Variants in KCNH1 observed in about 807,000 individuals in gnomAD.
KCNH1 encodes potassium voltage-gated channel subfamily H member 1.
In KCNH1, 27 loss-of-function variants were observed where a neutral mutation model predicts 69.2. That is an observed-to-expected ratio of 0.39 (90% CI 0.29 to 0.54). The LOEUF (loss-of-function observed/expected upper bound fraction) is 0.54, where lower values mean the gene tolerates loss of function less well. KCNH1 is among the 20% of genes least tolerant of loss of function. The pLI is 0.68. For synonymous variants in KCNH1, 456 were observed against 487.7 expected, an observed-to-expected ratio of 0.93 and a Z score of 0.86; for missense variants, 798 against 1,261.6, an observed-to-expected ratio of 0.63 and a Z score of 5.57.
At chr1:210,748,520 T>C (rs548281675) in intron 10 of KCNH1, among the ~76,000 whole-genome samples, 2 of 152,266 alleles carry the variant, frequency 1.3e-5, no homozygotes, top group South Asian at 2.1e-4. Context: ...TGGGAAATGA[T>C]AATAAAAAGA....
chr1:210,965,771 T>C (rs958108375), intron 6 of KCNH1, among the ~76,000 whole-genome samples: 4 of 152,132 alleles, frequency 2.6e-5, no homozygotes, highest in Non-Finnish European at 5.9e-5. Context: ...TGCTCATGGA[T>C]AGGAAGAATC....
intron 9 of KCNH1, among the ~76,000 whole-genome samples, chr1:210,780,754 C>G (rs1276040604): frequency 6.6e-6 from 1 of 152,178 alleles, no homozygotes; most frequent in East Asian, 1.9e-4. Context: ...TTTAGCAAAA[C>G]TGAAAAGCCA....
chr1:210,824,872 G>T (rs1369286533), intron 7 of KCNH1, among the ~76,000 whole-genome samples: 1 of 152,066 alleles, frequency 6.6e-6, no homozygotes, highest in Non-Finnish European at 1.5e-5. Flanking sequence ...TCATGCATTG[G>T]TCATTTGGAA....
intron 6 of KCNH1, among the ~76,000 whole-genome samples, chr1:210,983,587 T>A (rs758951840): frequency 5.9e-5 from 9 of 152,220 alleles, no homozygotes; most frequent in African/African-American, 2.2e-4. Flanking sequence ...GTTGCAGACA[T>A]GCAGCATTAT....
At chr1:210,719,525 T>G (rs534508453) in intron 10 of KCNH1, among the ~76,000 whole-genome samples, 1 of 152,096 alleles carries the variant, frequency 6.6e-6, no homozygotes, top group South Asian at 2.1e-4. Context: ...GAGGGTAGCA[T>G]CACACACCAG....
intron 7 of KCNH1, among the ~76,000 whole-genome samples, chr1:210,855,280 T>C (rs1015804832): frequency 1.3e-5 from 2 of 152,186 alleles, no homozygotes; most frequent in Non-Finnish European, 2.9e-5. Context: ...TCTCACACAA[T>C]TTTCTAAGCA....
chr1:210,708,223 T>A (rs544873090), intron 10 of KCNH1, among the ~76,000 whole-genome samples: 1 of 140,356 alleles, frequency 7.1e-6, no homozygotes, highest in Non-Finnish European at 1.5e-5. Context: ...CTTCCCCCAC[T>A]CCCATTGTTG....
chr1:210,961,023 A>T lies in KCNH1; in HGVS notation c.1033-40954T>A, dbSNP rs556373361. ...TGAGCTTTTTTCTTATCTCTTGAAC[A>T]TATACAATGCAGTTATAATAGTTGT... On this transcript the variant is annotated intron_variant, in intron 6 of 10. Coordinates refer to ENST00000271751, the MANE Select transcript of KCNH1 (RefSeq NM_172362.3). 5.9e-5 allele frequency among the ~76,000 whole-genome samples: 9 copies of T among 152,302 alleles called. No individual in the cohort carries two copies. The South Asian group carries it at 1.9e-3, about 32-fold the overall frequency.
At chr1:210,893,950 A>G (rs1467717186) in intron 7 of KCNH1, among the ~76,000 whole-genome samples, 1 of 152,164 alleles carries the variant, frequency 6.6e-6, no homozygotes, top group Admixed American at 6.6e-5. Context: ...CTTGATTTGA[A>G]CAAAAAATTT....
intron 6 of KCNH1, among the ~76,000 whole-genome samples, chr1:210,928,237 TCAA>T (rs1687613654): frequency 6.6e-6 from 1 of 152,036 alleles, no homozygotes; most frequent in Non-Finnish European, 1.5e-5. Context: ...AATATTCTAC[TCAA>T]CAACTGCAGA....
rs1414816066 is a variant in KCNH1, at chr1:211,133,173, A to G, written c.79+694T>C. 1.3e-5 allele frequency: 2 copies of G among 152,278 alleles called. No individual in the cohort carries two copies. Among genetic ancestry groups the G allele is most frequent in the South Asian group, 4.1e-4 (2 of 4,830 alleles). 9.4% of individuals were successfully genotyped at this position (152,278 alleles called of 1,614,324 possible). ...GTTGTGGGTTTGGAAGAGGGGAAAT[A>G]TAACAGGTTTGTACCTGTGACCATT... On this transcript the variant is annotated intron_variant, in intron 1 of 10. Coordinates refer to ENST00000271751, the MANE Select transcript of KCNH1 (RefSeq NM_172362.3). This position sits in a 1 kb window ranked among gnomAD's most constrained non-coding sequence, Gnocchi z 5.4.
intron 5 of KCNH1, among the ~76,000 whole-genome samples, chr1:211,023,139 TAAA>T (rs1689618859): frequency 6.9e-6 from 1 of 145,326 alleles, no homozygotes; most frequent in Admixed American, 6.8e-5. Flanking sequence ...AATAAATAAA[TAAA>T]TAAATAAATA....
At chr1:211,127,496 C>G (rs796681545) in intron 1 of KCNH1, among the ~76,000 whole-genome samples, 6 of 151,658 alleles carry the variant, frequency 4.0e-5, no homozygotes, top group African/African-American at 1.5e-4. Context: ...CTGTACAAGT[C>G]TTTCGCATCA....
At chr1:210,892,940 T>C (rs967948369) in intron 7 of KCNH1, among the ~76,000 whole-genome samples, 2 of 152,170 alleles carry the variant, frequency 1.3e-5, no homozygotes, top group Non-Finnish European at 2.9e-5. Context: ...AATTATATTA[T>C]CATGATAAAT....
chr1:210,864,326 C>T (rs1371274006), intron 7 of KCNH1, among the ~76,000 whole-genome samples: 1 of 152,182 alleles, frequency 6.6e-6, no homozygotes, highest in Non-Finnish European at 1.5e-5. Flanking sequence ...GAGACTAAGG[C>T]ATTGCAGGAC....
At chr1:210,931,841 A>G (rs1489624296) in intron 6 of KCNH1, among the ~76,000 whole-genome samples, 1 of 126,414 alleles carries the variant, frequency 7.9e-6, no homozygotes, top group Non-Finnish European at 1.8e-5. Context: ...AGTGAACGAA[A>G]TAAAAAAAAA....
chr1:210,970,893 C>A (rs1688500134), intron 6 of KCNH1, among the ~76,000 whole-genome samples: 1 of 151,962 alleles, frequency 6.6e-6, no homozygotes, highest in Non-Finnish European at 1.5e-5. Context: ...ATCCATCTGA[C>A]AAAGGTCTAA....
At chr1:211,093,616 A>T (rs1264111648) in intron 3 of KCNH1, among the ~76,000 whole-genome samples, 1 of 152,220 alleles carries the variant, frequency 6.6e-6, no homozygotes, top group Admixed American at 6.5e-5. Flanking sequence ...TACTACTCTG[A>T]CCATTCCTTT....
intron 6 of KCNH1, among the ~76,000 whole-genome samples, chr1:210,933,351 T>C (rs1289139056): frequency 6.9e-6 from 1 of 145,246 alleles, no homozygotes; most frequent in East Asian, 2.1e-4. Context: ...CATCAAACTC[T>C]GGGGACTGTT....
Sources: gnomAD v4.1 joint callset for allele counts (sites outside exome capture counted in the v4.1 genomes callset) on GRCh38, gnomAD v4.1.1 for gene constraint, Gnocchi (gnomAD v3.1) non-coding constraint, MANE v1.5 for transcripts, NCBI Gene and HGNC (gene_info 2026-07-23, HGNC 2026-07-21) for gene names.